The following DPP6 variants were observed in gnomAD, a reference collection of about 807,000 sequenced individuals.
DPP6 encodes A-type potassium channel modulatory protein DPP6.
Under a neutral mutation model 122.6 loss-of-function variants are expected in DPP6, and 69 were observed. The ratio of observed to expected loss-of-function variants is 0.56; its 90% confidence interval spans 0.46 to 0.69. DPP6 has a LOEUF of 0.69. Among genes scored for constraint, DPP6 ranks in the 30% least tolerant of loss-of-function variants. The pLI is 0.00. For missense variants in DPP6, 928 were observed against 1,116.9 expected, an observed-to-expected ratio of 0.83 and a Z score of 2.41; for synonymous variants, 418 against 433.1, an observed-to-expected ratio of 0.97 and a Z score of 0.43.
intron 1 of DPP6, among the ~76,000 whole-genome samples, chr7:153,894,085 T>C (rs1006183225): frequency 6.6e-6 from 1 of 152,162 alleles, no homozygotes; most frequent in African/African-American, 2.4e-5. Flanking sequence ...AACTCACACA[T>C]TGAGTTGCTT....
chr7:154,398,754 G>A (rs962191172), intron 1 of DPP6, among the ~76,000 whole-genome samples: 1 of 152,108 alleles, frequency 6.6e-6, no homozygotes, highest in African/African-American at 2.4e-5. Flanking sequence ...TCAGAGGCGT[G>A]ATTCTCTTGA....
intron 7 of DPP6, among the ~76,000 whole-genome samples, chr7:154,689,686 A>G (rs1466791395): frequency 6.6e-6 from 1 of 152,236 alleles, no homozygotes; most frequent in African/African-American, 2.4e-5. Flanking sequence ...GTACAAACAC[A>G]AAACTATGCA....
Position 154,892,925 on chromosome 7 carries a change from A to C in DPP6, c.*445A>C. ...CACGTCGCAGTGCCATGGACGCAGC[A>C]GTTACAGCACCATTGTTTTAGCAGT... is the stretch of plus-strand genomic sequence containing the variant. On this transcript the variant is annotated 3_prime_UTR_variant, in exon 26 of 26. Transcript: ENST00000377770. 1.9e-6 allele frequency: 1 copy of C among 522,634 alleles called. No homozygotes were observed. Among genetic ancestry groups the C allele is most frequent in the South Asian group, 1.4e-5 (1 of 71,634 alleles). 32.4% of individuals were successfully genotyped at this position (522,634 alleles called of 1,614,324 possible).
chr7:153,922,939 C>G (rs1585036999), intron 1 of DPP6, among the ~76,000 whole-genome samples: 1 of 152,358 alleles, frequency 6.6e-6, no homozygotes. Context: ...CACCTGCAGT[C>G]CCTGACATCA....
chr7:153,928,396 A>ATTTTTTTCTTTTTTTTTTTTTT (rs1801011789), intron 1 of DPP6, among the ~76,000 whole-genome samples: 1 of 43,674 alleles, frequency 2.3e-5, no homozygotes, highest in Non-Finnish European at 4.4e-5. Flanking sequence ...CTTTTCTTTC[A>ATTTTTTTCTTTTTTTTTTTTTT]TTTTTTTTTT....
intron 1 of DPP6, among the ~76,000 whole-genome samples, chr7:153,956,490 C>T (rs186838702): frequency 3.9e-5 from 6 of 152,256 alleles, no homozygotes; most frequent in Admixed American, 3.9e-4. Context: ...TTCCTCTTAC[C>T]TCTGCAGCAA....
chr7:154,331,908 C>T (rs919045115), intron 1 of DPP6, among the ~76,000 whole-genome samples: 2 of 152,074 alleles, frequency 1.3e-5, no homozygotes, highest in African/African-American at 4.8e-5. Context: ...AGCTAAATAC[C>T]CACCTGTGGA....
At chr7:153,906,447 G>A (rs993168764) in intron 1 of DPP6, among the ~76,000 whole-genome samples, 1 of 152,060 alleles carries the variant, frequency 6.6e-6, no homozygotes, top group Non-Finnish European at 1.5e-5. Flanking sequence ...GAGGATGTGT[G>A]GCTTTTAAGT....
At chr7:154,392,484 C>T (rs1814709099) in intron 1 of DPP6, among the ~76,000 whole-genome samples, 1 of 152,164 alleles carries the variant, frequency 6.6e-6, no homozygotes, top group Admixed American at 6.5e-5. Context: ...TCACCACATC[C>T]TCCAGCTCTG....
At chr7:154,201,653 C>T (rs974151634) in intron 1 of DPP6, among the ~76,000 whole-genome samples, 1 of 152,138 alleles carries the variant, frequency 6.6e-6, no homozygotes, top group African/African-American at 2.4e-5. Context: ...TTTCTGTACC[C>T]TCTAGTGTAT....
In DPP6 at chr7:154,759,672, G is replaced by A. The variant is rs374401122; in HGVS notation, c.884-9745G>A. Among the ~76,000 whole-genome samples the A allele has an allele frequency of 5.8e-4, 89 of 152,282 alleles. No individual in the cohort carries two copies. The Middle Eastern group carries it at 0.02, about 35-fold the overall frequency. ...AACCTCCAGCATTGTTCCACAGTGC[G>A]CAGGCCAGAAGACATCCATTCTGTT... On this transcript the variant is annotated intron_variant, in intron 8 of 25. Coordinates refer to ENST00000377770, the MANE Select transcript of DPP6 (RefSeq NM_130797.4).
intron 1 of DPP6, among the ~76,000 whole-genome samples, chr7:154,261,851 C>G (rs1803042281): frequency 6.6e-6 from 1 of 152,184 alleles, no homozygotes; most frequent in African/African-American, 2.4e-5. Flanking sequence ...TACCATCTTA[C>G]TCCTGCAAGA....
intron 23 of DPP6, 127 bp downstream of exon 23, chr7:154,887,861 A>T: frequency 9.1e-7 from 1 of 1,095,872 alleles, no homozygotes; most frequent in Non-Finnish European, 1.4e-6. Context: ...ACCAGCACCA[A>T]AGCCCACTCA....
intron 1 of DPP6, among the ~76,000 whole-genome samples, chr7:153,962,450 C>A (rs960946671): frequency 1.3e-5 from 2 of 152,118 alleles, no homozygotes; most frequent in African/African-American, 4.8e-5. Flanking sequence ...CCTGAACTTT[C>A]AATATTGACG....
At chr7:154,500,562 T>A (rs2151409543) in intron 3 of DPP6, among the ~76,000 whole-genome samples, 1 of 152,250 alleles carries the variant, frequency 6.6e-6, no homozygotes, top group East Asian at 1.9e-4. Context: ...TCTCATGAGA[T>A]CTGATGGTTT....
chr7:154,874,587 A>G (rs981136705), intron 19 of DPP6, among the ~76,000 whole-genome samples: 3 of 152,160 alleles, frequency 2.0e-5, no homozygotes, highest in African/African-American at 7.2e-5. Flanking sequence ...ACTCACCAGG[A>G]CCCTAAGCAT....
intron 6 of DPP6, among the ~76,000 whole-genome samples, chr7:154,651,713 G>A (rs778296791): frequency 1.6e-4 from 24 of 152,242 alleles, no homozygotes; most frequent in South Asian, 2.1e-4. Context: ...TCTGGTTTCC[G>A]CCGTCCCAAT....
In DPP6 at chr7:154,114,409, G is replaced by A. The variant is rs556638776; in HGVS notation, c.243+61346G>A. Reference sequence around the variant, plus strand: ...TAATATGAAGGCTAAATGAGATCCTGTAAAGCAATCTTTCCAAGTCCTGAG... The same window carrying A: ...TAATATGAAGGCTAAATGAGATCCTATAAAGCAATCTTTCCAAGTCCTGAG... On this transcript the variant is annotated intron_variant, in intron 1 of 25. Transcript: ENST00000377770. Among the ~76,000 whole-genome samples the A allele has an allele frequency of 1.1e-4, 17 of 152,204 alleles. No homozygotes were observed. The East Asian group carries it at 2.9e-3, about 26-fold the overall frequency.
At position 154,621,499 on chromosome 7, in the gene DPP6, G is replaced by A. The variant is rs547478063; in HGVS notation, c.628-16322G>A. 2.0e-4 allele frequency among the ~76,000 whole-genome samples: 30 copies of A among 152,262 alleles called. No homozygotes were observed. In the South Asian group the frequency reaches 3.9e-3, roughly 20 times the overall value. Reference sequence around the variant, plus strand: ...TTCTCCTGCCTCAGCCTCCCAAGTAGCTGGGATTACAGGCTCATGCCACCA... The same window carrying A: ...TTCTCCTGCCTCAGCCTCCCAAGTAACTGGGATTACAGGCTCATGCCACCA... On this transcript the variant is annotated intron_variant, in intron 5 of 25. Transcript: ENST00000377770.
Sources: allele counts gnomAD v4.1 joint callset (sites outside exome capture counted in the v4.1 genomes callset), GRCh38; gene constraint gnomAD v4.1.1; transcripts MANE v1.5; gene names NCBI Gene and HGNC (gene_info 2026-07-23, HGNC 2026-07-21).